Variants in OCIAD2 observed in about 807,000 individuals in gnomAD.
OCIAD2 encodes the protein OCIA domain-containing protein 2.
Under a neutral mutation model 22.9 loss-of-function variants are expected in OCIAD2, and 29 were observed. The ratio of observed to expected loss-of-function variants is 1.27; its 90% confidence interval spans 0.94 to 1.73. OCIAD2 has a LOEUF of 1.73. OCIAD2 is among the 40% of genes most tolerant of loss of function. OCIAD2 has a pLI of 0.00. For synonymous variants in OCIAD2, 67 were observed against 60.2 expected, an observed-to-expected ratio of 1.11 and a Z score of -0.52; for missense variants, 189 against 180.3, an observed-to-expected ratio of 1.05 and a Z score of -0.28.
chr4:48,904,444 G>A (rs750113621), intron 2 of OCIAD2, 40 bp downstream of exon 2: 1 of 1,548,768 alleles, frequency 6.5e-7, no homozygotes, highest in Non-Finnish European at 8.9e-7. Flanking sequence ...GTGAGATCGT[G>A]TCTCAATCAA....
chr4:48,892,870 A>G lies in OCIAD2; in HGVS notation c.285T>C (p.Phe95=), dbSNP rs1178718290. The part of the protein sequence containing the change: ...PKVALAGLLG[F]GLGKVSYIGV... ...CTATGTATGATACCTTTCCAAGGCCAAATCCCAAGAGACCAGCAACTGTAA... is the reference window on the plus strand; with the variant it reads ...CTATGTATGATACCTTTCCAAGGCCGAATCCCAAGAGACCAGCAACTGTAA... Residue 95 remains phenylalanine (F), a synonymous_variant, in exon 6 of 7, where the codon TTT becomes TTC. Coordinates refer to ENST00000508632, the MANE Select transcript of OCIAD2 (RefSeq NM_001014446.3). The G allele has an allele frequency of 1.2e-6, 2 of 1,601,544 alleles. No homozygotes were observed. The highest frequency in any genetic ancestry group is 1.7e-6 in the Non-Finnish European group (2 of 1,172,022).
chr4:48,901,351 A>C (rs530791996), intron 2 of OCIAD2, among the ~76,000 whole-genome samples: 1 of 152,016 alleles, frequency 6.6e-6, no homozygotes, highest in Non-Finnish European at 1.5e-5. Context: ...GCATATTCTC[A>C]CTGTGACAGA....
At chr4:48,900,976 C>T (rs1460690439) in intron 2 of OCIAD2, among the ~76,000 whole-genome samples, 1 of 152,100 alleles carries the variant, frequency 6.6e-6, no homozygotes, top group Non-Finnish European at 1.5e-5. Flanking sequence ...TTTGTAGGTA[C>T]ATATGCTTTA....
intron 2 of OCIAD2, among the ~76,000 whole-genome samples, chr4:48,902,888 G>A (rs1489774357): frequency 4.6e-5 from 7 of 152,150 alleles, no homozygotes; most frequent in African/African-American, 1.4e-4. Context: ...AGGAGGTGGA[G>A]GTTGCAGTGA....
At chr4:48,896,355 T>A (rs1382060998) in intron 4 of OCIAD2, among the ~76,000 whole-genome samples, 3 of 151,888 alleles carry the variant, frequency 2.0e-5, no homozygotes, top group African/African-American at 7.3e-5. Flanking sequence ...TTTGGGAGGC[T>A]GAGGTGGGAG....
At chr4:48,892,561 A>C (rs1408433287) in intron 6 of OCIAD2, among the ~76,000 whole-genome samples, 2 of 152,228 alleles carry the variant, frequency 1.3e-5, no homozygotes, top group African/African-American at 4.8e-5. Context: ...GTAGATTCCC[A>C]TTAAATATTT....
intron 2 of OCIAD2, 41 bp downstream of exon 2, chr4:48,904,443 T>A (rs767176954): frequency 6.5e-7 from 1 of 1,541,794 alleles, no homozygotes; most frequent in South Asian, 1.1e-5. Flanking sequence ...TGTGAGATCG[T>A]GTCTCAATCA....
chr4:48,903,886 C>T (rs1579160190), intron 2 of OCIAD2, among the ~76,000 whole-genome samples: 1 of 151,844 alleles, frequency 6.6e-6, no homozygotes, highest in East Asian at 1.9e-4. Flanking sequence ...ACCTCGTGAT[C>T]CACCCGCCTC....
In OCIAD2 at chr4:48,885,541, T is replaced by C; in HGVS notation, c.408A>G (p.Glu136=). 2 of 1,610,044 alleles carry C rather than the reference T, an allele frequency of 1.2e-6. No individual in the cohort carries two copies. The highest frequency in any genetic ancestry group is 1.7e-6 in the Non-Finnish European group (2 of 1,176,226). ...HNRHCLLTCE[E]CKIKHGLSEK... ...CACTTAATCCATGCTTTATTTTGCA[T>C]TCCTCACAGGTAAGGAGGCAGTGCC... Residue 136 remains glutamate, a synonymous_variant, in exon 7 of 7, where the codon GAA becomes GAG. Coordinates refer to ENST00000508632, the MANE Select transcript of OCIAD2 (RefSeq NM_001014446.3).
chr4:48,890,324 A>T (rs995332145), intron 6 of OCIAD2, among the ~76,000 whole-genome samples: 1 of 152,220 alleles, frequency 6.6e-6, no homozygotes, highest in East Asian at 1.9e-4. Flanking sequence ...CAAAGAGCCA[A>T]TAATGAGCTT....
chr4:48,904,685 C>T (rs1560462611), intron 1 of OCIAD2, 74 bp from the exon 2 acceptor site: 1 of 800,628 alleles, frequency 1.2e-6, no homozygotes, highest in Non-Finnish European at 2.1e-6. Context: ...CCTGAGGATC[C>T]ACTGGAGTTA....
chr4:48,887,210 T>C (rs1781015781), intron 6 of OCIAD2, among the ~76,000 whole-genome samples: 2 of 152,202 alleles, frequency 1.3e-5, no homozygotes, highest in African/African-American at 4.8e-5. Flanking sequence ...TAAATTTGTT[T>C]GAGTTCTTTG....
At chr4:48,889,093 C>G (rs1281470587) in intron 6 of OCIAD2, among the ~76,000 whole-genome samples, 1 of 152,154 alleles carries the variant, frequency 6.6e-6, no homozygotes, top group East Asian at 1.9e-4. Context: ...AGCAATTTAT[C>G]CATTTCTTCT....
intron 2 of OCIAD2, among the ~76,000 whole-genome samples, chr4:48,900,901 G>GT (rs1781400830): frequency 6.6e-6 from 1 of 151,978 alleles, no homozygotes; most frequent in Admixed American, 6.6e-5. Flanking sequence ...GCCTTGCGGT[G>GT]TTTTTTTAAT....
chr4:48,896,692 A>G (rs1415993453), intron 4 of OCIAD2, among the ~76,000 whole-genome samples: 3 of 152,088 alleles, frequency 2.0e-5, no homozygotes, highest in Non-Finnish European at 2.9e-5. Context: ...CCAGGTACTC[A>G]GGAGGTCTAG....
chr4:48,902,724 G>A (rs568600130), intron 2 of OCIAD2, among the ~76,000 whole-genome samples: 6 of 152,224 alleles, frequency 3.9e-5, no homozygotes, highest in Admixed American at 1.3e-4. Flanking sequence ...AGGCTGAGGC[G>A]GGCAGATCAC....
chr4:48,899,570 T>TA (rs2109680505), intron 3 of OCIAD2, among the ~76,000 whole-genome samples: 1 of 152,294 alleles, frequency 6.6e-6, no homozygotes, highest in South Asian at 2.1e-4. Context: ...TTGGTACACG[T>TA]TCTTGGTCAC....
chr4:48,896,101 T>C lies in OCIAD2; in HGVS notation c.217+1703A>G, dbSNP rs190772206. On this transcript the variant is annotated intron_variant, in intron 4 of 6. Transcript: ENST00000508632. The stretch of plus-strand genomic sequence containing the variant: ...ATGTCCCAGCCCCAATATTTTTATG[T>C]GTCAAAAATGATCTGAAAAATGCTA... Among the ~76,000 whole-genome samples the C allele has an allele frequency of 2.4e-4, 36 of 152,278 alleles. No homozygotes were observed. The East Asian group carries it at 6.6e-3, about 28-fold the overall frequency.
At chr4:48,885,615 C>T (rs1780961929) in intron 6 of OCIAD2, 50 bp from the exon 7 acceptor site, 1 of 920,594 alleles carries the variant, frequency 1.1e-6, no homozygotes, top group African/African-American at 1.6e-5. Context: ...ACACTGGAAG[C>T]CCTAGTCTTT....
Sources: gnomAD v4.1 joint callset for allele counts (sites outside exome capture counted in the v4.1 genomes callset) on GRCh38, gnomAD v4.1.1 for gene constraint, MANE v1.5 for transcripts, NCBI Gene and HGNC (gene_info 2026-07-23, HGNC 2026-07-21) for gene names.